CA10: variants seen among roughly 807,000 people sequenced by gnomAD.
CA10 encodes the protein carbonic anhydrase 10 (inactive), also known as carbonic anhydrase-related protein 10.
CA10 carries 14 observed loss-of-function variants against 44.2 expected under a neutral mutation model. That is an observed-to-expected ratio of 0.32 (90% confidence interval 0.21 to 0.50). CA10 has a LOEUF of 0.50. Ranked by LOEUF, CA10 falls within the 20% of genes least tolerant of loss-of-function variation. The probability of loss-of-function intolerance (pLI) is 0.99; values close to 1 mark genes in which losing one functional copy is unlikely to be tolerated. For missense variants in CA10, 350 were observed against 409.7 expected (o/e 0.85, Z 1.26); for synonymous variants, 159 against 141.6 (o/e 1.12, Z -0.87).
chr17:52,111,533 T>A (rs1211578679), intron 1 of CA10, among the ~76,000 whole-genome samples: 2 of 152,126 alleles, frequency 1.3e-5, no homozygotes, highest in Non-Finnish European at 2.9e-5. Flanking sequence ...TCCATCTCCA[T>A]CAGCAAATGA....
At chr17:51,889,336 A>G (rs1339233908) in intron 3 of CA10, among the ~76,000 whole-genome samples, 3 of 152,116 alleles carry the variant, frequency 2.0e-5, no homozygotes, top group African/African-American at 4.8e-5. Context: ...AGCCTGGGCA[A>G]TGTGGTGAAA....
chr17:51,934,667 C>T (rs1052189426), intron 2 of CA10, among the ~76,000 whole-genome samples: 34 of 152,038 alleles, frequency 2.2e-4, no homozygotes, highest in African/African-American at 7.7e-4. Context: ...GTGTTTGGGT[C>T]CCATCTGCAG....
chr17:51,673,491 G>A (rs1025584237), intron 4 of CA10, among the ~76,000 whole-genome samples: 5 of 152,116 alleles, frequency 3.3e-5, no homozygotes, highest in South Asian at 2.1e-4. Flanking sequence ...AGACTTGGGC[G>A]CCTACTGAGA....
chr17:51,832,914 G>A (rs992977039), intron 3 of CA10, among the ~76,000 whole-genome samples: 4 of 152,166 alleles, frequency 2.6e-5, no homozygotes, highest in African/African-American at 7.2e-5. Context: ...CACCTATAGA[G>A]GTGATCCATG....
intron 1 of CA10, among the ~76,000 whole-genome samples, chr17:52,094,820 C>G (rs1382179576): frequency 5.3e-5 from 8 of 152,100 alleles, no homozygotes. Context: ...CAAGTATTGG[C>G]AGGAATGTGG....
intron 3 of CA10, among the ~76,000 whole-genome samples, chr17:51,798,119 G>C (rs1480226633): frequency 6.6e-6 from 1 of 152,176 alleles, no homozygotes; most frequent in Non-Finnish European, 1.5e-5. Context: ...CACATGCCCT[G>C]TCCCTTAATG....
chr17:52,062,368 GAAAGA>G (rs1987412630), intron 2 of CA10, among the ~76,000 whole-genome samples: 1 of 152,164 alleles, frequency 6.6e-6, no homozygotes, highest in African/African-American at 2.4e-5. Flanking sequence ...GACAGGAAAG[GAAAGA>G]ATGTTTTCAG....
intron 2 of CA10, among the ~76,000 whole-genome samples, chr17:51,961,796 C>A (rs1983902611): frequency 6.6e-6 from 1 of 152,200 alleles, no homozygotes; most frequent in African/African-American, 2.4e-5. Context: ...AGGCACTCAA[C>A]CCTTACTGTG....
chr17:52,023,494 G>T (rs542768340), intron 2 of CA10, among the ~76,000 whole-genome samples: 2 of 152,122 alleles, frequency 1.3e-5, no homozygotes, highest in East Asian at 3.9e-4. Flanking sequence ...TTAAATGTAA[G>T]ACCTAAAACT....
chr17:51,809,864 A>G (rs184308164), intron 3 of CA10, among the ~76,000 whole-genome samples: 56 of 152,338 alleles, frequency 3.7e-4, no homozygotes, highest in African/African-American at 1.3e-3. Flanking sequence ...TATGTCAAAT[A>G]TAATGCAGGG....
intron 4 of CA10, among the ~76,000 whole-genome samples, chr17:51,700,366 C>A (rs560805629): frequency 6.6e-6 from 1 of 152,308 alleles, no homozygotes; most frequent in East Asian, 1.9e-4. Context: ...AGAGCAAGAG[C>A]AGAATCCTGG....
chr17:51,637,584 G>A lies in CA10; in HGVS notation c.635-1575C>T, dbSNP rs372724002. ...CCAGTGGGAAAGTACTCATTCTTCAGGGGTTGAGGGAACCTCTTCAGTTTA... is the reference window on the plus strand; with the variant it reads ...CCAGTGGGAAAGTACTCATTCTTCAAGGGTTGAGGGAACCTCTTCAGTTTA... On this transcript the variant is annotated intron_variant, in intron 6 of 8. Transcript: ENST00000451037. Among the ~76,000 whole-genome samples the A allele has an allele frequency of 2.6e-5, 4 of 152,324 alleles. 1 individual carries two copies. In the South Asian group the frequency reaches 8.3e-4, roughly 32 times the overall value.
In CA10 at chr17:51,970,237, A is replaced by G. The variant is rs568310308; in HGVS notation, c.137-39105T>C. Reference sequence around the variant, plus strand: ...ATCTTCTCAAATATCCTTTTATGACATCTAGAAAGTCTTATTCTTCAATTT... The same window carrying G: ...ATCTTCTCAAATATCCTTTTATGACGTCTAGAAAGTCTTATTCTTCAATTT... On this transcript the variant is annotated intron_variant, in intron 2 of 8. Coordinates refer to ENST00000451037, the MANE Select transcript of CA10 (RefSeq NM_020178.5). Among the ~76,000 whole-genome samples the G allele has an allele frequency of 3.0e-3, 452 of 152,208 alleles. 1 individual carries two copies. The highest frequency in any genetic ancestry group is 0.01 in the African/African-American group (434 of 41,556).
chr17:52,096,546 T>A (rs1250558263), intron 1 of CA10, among the ~76,000 whole-genome samples: 1 of 152,188 alleles, frequency 6.6e-6, no homozygotes, highest in Non-Finnish European at 1.5e-5. Flanking sequence ...ACAATTGGTA[T>A]CCTTCAGTTT....
rs559528923 is a variant in CA10, at chr17:51,887,306, G to A, written c.279+43684C>T. Among the ~76,000 whole-genome samples the A allele has an allele frequency of 5.6e-4, 86 of 152,266 alleles. 2 individuals are homozygous for A. The South Asian group carries it at 0.018, about 32-fold the overall frequency. Reference sequence around the variant, plus strand: ...TAGACACGCAGAAAGAAGCCTCTAGGCTGAGGCAAGCAGGCCCACAAGGCT... The same window carrying A: ...TAGACACGCAGAAAGAAGCCTCTAGACTGAGGCAAGCAGGCCCACAAGGCT... On this transcript the variant is annotated intron_variant, in intron 3 of 8. Coordinates refer to ENST00000451037, the MANE Select transcript of CA10 (RefSeq NM_020178.5).
chr17:51,882,770 G>A (rs540991821), intron 3 of CA10, among the ~76,000 whole-genome samples: 1 of 152,270 alleles, frequency 6.6e-6, no homozygotes, highest in South Asian at 2.1e-4. Context: ...GAATTTGTCA[G>A]CTTACAGACC....
At chr17:52,054,649 C>A (rs2058308) in intron 2 of CA10, among the ~76,000 whole-genome samples, 72,675 of 151,802 alleles carry the variant, frequency 0.48, 17,912 homozygotes, top group African/African-American at 0.55. Context: ...TGTGATGTCT[C>A]CCCCAGACAC....
chr17:51,925,868 T>C (rs1304209671), intron 3 of CA10, among the ~76,000 whole-genome samples: 1 of 152,168 alleles, frequency 6.6e-6, no homozygotes, highest in Non-Finnish European at 1.5e-5. Context: ...ATTCTACTTA[T>C]ATGAGGTACC....
chr17:51,909,890 G>A (rs887914713), intron 3 of CA10, among the ~76,000 whole-genome samples: 1 of 152,086 alleles, frequency 6.6e-6, no homozygotes, highest in Non-Finnish European at 1.5e-5. Flanking sequence ...TATTTTCACT[G>A]CACTGGCTCT....
Sources: gnomAD v4.1 joint callset for allele counts (sites outside exome capture counted in the v4.1 genomes callset) on GRCh38, gnomAD v4.1.1 for gene constraint, MANE v1.5 for transcripts, NCBI Gene and HGNC (gene_info 2026-07-23, HGNC 2026-07-21) for gene names.